The following CDH16 variants were observed in gnomAD, a reference collection of about 807,000 sequenced individuals.
CDH16 encodes the protein cadherin 16.
A neutral mutation model predicts 87.6 loss-of-function variants in CDH16; 79 were observed. The ratio of observed to expected loss-of-function variants is 0.90; its 90% CI spans 0.75 to 1.09. The LOEUF is 1.09. CDH16 is among the 50% of genes least tolerant of loss of function. The pLI, the probability that CDH16 is intolerant of heterozygous loss-of-function variation, is 0.00. For missense variants in CDH16, 1,124 were observed against 1,071.7 expected (o/e 1.05, Z -0.68); for synonymous variants, 457 against 439.5 (o/e 1.04, Z -0.50).
chr16:66,911,196 T>C lies in CDH16; in HGVS notation c.1910A>G (p.Glu637Gly). The C allele has an allele frequency of 1.2e-6, 2 of 1,612,420 alleles. No individual in the cohort carries two copies. The highest frequency in any genetic ancestry group is 2.2e-5 in the South Asian group (2 of 90,840). Residue 637 changes from glutamate (E) to glycine (G), a missense_variant, in exon 14 of 18, where the codon GAG (glutamate) becomes GGG (glycine). Glu to Gly is a moderately conservative substitution (Grantham distance 98, BLOSUM62 -2). Coordinates refer to ENST00000299752, the MANE Select transcript of CDH16 (RefSeq NM_004062.4). The part of the protein sequence containing the change: ...QPGDTYTVLV[E>G]AQDTDEPRLS... ...CCTGGCCATACCTGTATCCTGGGCC[T>C]CCACAAGCACCGTGTAGGTGTCCCC...
chr16:66,913,191 T>A lies in CDH16; in HGVS notation c.994A>T (p.Asn332Tyr). The A allele has an allele frequency of 6.2e-7, 1 of 1,605,878 alleles. No individual in the cohort carries two copies. Among genetic ancestry groups the A allele is most frequent in the Non-Finnish European group, 8.5e-7 (1 of 1,176,124 alleles). ...TCACGGGGAGGGCAGATAGGCACGTTGTCATTCTCATCCATCACCAGCACG... is the reference window on the plus strand; with the variant it reads ...TCACGGGGAGGGCAGATAGGCACGTAGTCATTCTCATCCATCACCAGCACG... ...LHVLVMDEND[N>Y]VPICPPRDPT... The change falls in exon 9 of 18, where the codon AAC (asparagine) becomes TAC (tyrosine). Residue 332 changes from asparagine (N) to tyrosine (Y), a missense_variant. By Grantham distance (143) the Asn-to-Tyr change is moderately radical. Coordinates refer to ENST00000299752, the MANE Select transcript of CDH16 (RefSeq NM_004062.4).
chr16:66,912,657 C>A lies in CDH16; in HGVS notation c.1282+7G>T. The A allele has an allele frequency of 6.2e-7, 1 of 1,614,016 alleles. No homozygotes were observed. On this transcript the variant is annotated splice_region_variant and intron_variant, in intron 10 of 17. Transcript: ENST00000299752. The stretch of plus-strand genomic sequence containing the variant: ...AGGGGGCCTGGGTCACCAATCAGGG[C>A]ACTTACCACCCTCTGCGCCTGCCAG...
chr16:66,909,461 T>C lies in CDH16; in HGVS notation c.2276-78A>G. Reference sequence around the variant, plus strand: ...GCTCAGAGCCCCCAGCCCAGCCACCTGGCTGATATGTGTGTGTTTCTGCAC... The same window carrying C: ...GCTCAGAGCCCCCAGCCCAGCCACCCGGCTGATATGTGTGTGTTTCTGCAC... On this transcript the variant is annotated intron_variant, in intron 16 of 17. Transcript: ENST00000299752. The surrounding 1 kb of genome is among the most constrained non-coding windows in gnomAD (Gnocchi z 4.1). The C allele has an allele frequency of 1.1e-6, 1 of 935,294 alleles. No homozygotes were observed. The highest frequency in any genetic ancestry group is 1.7e-6 in the Non-Finnish European group (1 of 596,254). 57.9% of individuals were successfully genotyped at this position (935,294 alleles called of 1,614,324 possible). A position where few individuals can be genotyped will look rare whatever the true frequency, so the allele number is the denominator to read the frequency against.
Position 66,911,320 on chromosome 16 carries a change from C to A in CDH16, c.1791-5G>T. 6.2e-7 allele frequency: 1 copy of A among 1,612,782 alleles called. No individual in the cohort carries two copies. The highest frequency in any genetic ancestry group is 1.1e-5 in the South Asian group (1 of 90,856). On this transcript the variant is annotated splice_region_variant and splice_polypyrimidine_tract_variant and intron_variant, in intron 13 of 17. Coordinates refer to ENST00000299752, the MANE Select transcript of CDH16 (RefSeq NM_004062.4). The stretch of plus-strand genomic sequence containing the variant: ...GAGTCATTGACTAGGGAGAACCTGC[C>A]GCCCAAAGAAGGAGGTGAGGAGGTA...
In CDH16 at chr16:66,918,037, C is replaced by G; in HGVS notation, c.29G>C (p.Cys10Ser). Residue 10 changes from cysteine to serine, a missense_variant, in exon 2 of 18, where the codon TGT becomes TCT. Transcript: ENST00000299752. ...CTAGCTCACCTGGGGGACGGAGACA[C>G]AAAGCAGCCACAGCCAGGCAGGGAC... is the stretch of plus-strand genomic sequence containing the variant. MVPAWLWLL[C>S]VSVPQALPKA... 1 of 1,584,384 alleles carries G rather than the reference C, an allele frequency of 6.3e-7. No homozygotes were observed. The highest frequency in any genetic ancestry group is 1.2e-5 in the South Asian group (1 of 86,308).
At position 66,912,666 on chromosome 16, in the gene CDH16, C is replaced by T. The variant is rs1156254569; in HGVS notation, c.1280G>A (p.Gly427Asp). The change falls in exon 10 of 18, where the codon GGT (glycine) becomes GAT (aspartate). Residue 427 changes from glycine to aspartate, a missense_variant and splice_region_variant. Gly to Asp is a moderately conservative substitution (Grantham distance 94). Transcript: ENST00000299752. Reference sequence around the variant, plus strand: ...GGGTCACCAATCAGGGCACTTACCACCCTCTGCGCCTGCCAGGTCCATGGC... The same window carrying T: ...GGGTCACCAATCAGGGCACTTACCATCCTCTGCGCCTGCCAGGTCCATGGC... ...VLAMDLAGAEGGFSSTCEVEV... is the reference protein window; with the variant it reads ...VLAMDLAGAEDGFSSTCEVEV... 1.2e-6 allele frequency: 2 copies of T among 1,613,894 alleles called. No homozygotes were observed. Among genetic ancestry groups the T allele is most frequent in the Non-Finnish European group, 1.7e-6 (2 of 1,179,996 alleles).
At position 66,913,240 on chromosome 16, in the gene CDH16, G is replaced by A; in HGVS notation, c.945C>T (p.Asp315=). 1 of 1,571,874 alleles carries A rather than the reference G, an allele frequency of 6.4e-7. No homozygotes were observed. Among genetic ancestry groups the A allele is most frequent in the Non-Finnish European group, 8.6e-7 (1 of 1,158,534 alleles). Residue 315 remains aspartate, a synonymous_variant, in exon 9 of 18, where the codon GAC becomes GAT. Transcript: ENST00000299752. ...CGTGCAGCTCCAGAGGGGCCGCATA[G>A]TCCTCGCCATGGGAATTCTGAGCCC... ...QVRAQNSHGE[D]YAAPLELHVL... is the part of the protein sequence containing the mutation.
chr16:66,910,348 G>A lies in CDH16; in HGVS notation c.2079C>T (p.Pro693=), dbSNP rs781445567. Residue 693 remains proline (P), a synonymous_variant, in exon 15 of 18, where the codon CCC becomes CCT. Coordinates refer to ENST00000299752, the MANE Select transcript of CDH16 (RefSeq NM_004062.4). The part of the protein sequence containing the change: ...GLIVSGPSKD[P]DLASGHGPYS... Reference sequence around the variant, plus strand: ...AGGGACCGTGCCCACTGGCCAGATCGGGGTCCTTGCTGGGTCCACTCACGA... The same window carrying A: ...AGGGACCGTGCCCACTGGCCAGATCAGGGTCCTTGCTGGGTCCACTCACGA... 38 of 1,613,866 alleles carry A rather than the reference G, an allele frequency of 2.4e-5. No homozygotes were observed. In the East Asian group the frequency reaches 4.0e-4, roughly 17 times the overall value.
Position 66,910,454 on chromosome 16 carries a change from T to G in CDH16, c.1973A>C (p.Lys658Thr). 6.4e-7 allele frequency: 1 copy of G among 1,571,188 alleles called. No individual in the cohort carries two copies. Among genetic ancestry groups the G allele is most frequent in the East Asian group, 2.3e-5 (1 of 44,106 alleles). Residue 658 changes from lysine (K) to threonine (T), a missense_variant, in exon 15 of 18, where the codon AAG becomes ACG. By Grantham distance (78) the Lys-to-Thr change is moderately conservative (BLOSUM62 -1). Transcript: ENST00000299752. Reference sequence around the variant, plus strand: ...AGTCAGGGCTGGGGCAGGAGGGGCCTTTAGGAAGTGGATCACCAGGGGTGC... The same window carrying G: ...AGTCAGGGCTGGGGCAGGAGGGGCCGTTAGGAAGTGGATCACCAGGGGTGC... ...ASAPLVIHFL[K>T]APPAPALTLA...
At position 66,913,277 on chromosome 16, in the gene CDH16, A is replaced by G; in HGVS notation, c.908T>C (p.Leu303Pro). 6.4e-7 allele frequency: 1 copy of G among 1,554,624 alleles called. No individual in the cohort carries two copies. Residue 303 changes from leucine to proline, a missense_variant, in exon 9 of 18, where the codon CTG becomes CCG. Physicochemically the swap from Leu to Pro is moderately conservative, Grantham distance 98. Transcript: ENST00000299752. Reference protein sequence around the residue: ...ELDREAQAEYLLQVRAQNSHG... With the variant: ...ELDREAQAEYPLQVRAQNSHG... ...GGAATTCTGAGCCCGCACCTGGAGC[A>G]GGTACTGCGGTGGGCAGTAGGGGGC...
chr16:66,916,461 G>T lies in CDH16; in HGVS notation c.130-32C>A, dbSNP rs767337963. On this transcript the variant is annotated intron_variant, in intron 3 of 17. Transcript: ENST00000299752. This position sits in a 1 kb window ranked among gnomAD's most constrained non-coding sequence, Gnocchi z 4.1. The stretch of plus-strand genomic sequence containing the variant: ...GAAATGAACAGAAGTGAAGGGAGCG[G>T]TGGCCAGGCCTGGGAGATGCCCCTC... 3 of 1,551,878 alleles carry T rather than the reference G, an allele frequency of 1.9e-6. No individual in the cohort carries two copies. The highest frequency in any genetic ancestry group is 2.6e-6 in the Non-Finnish European group (3 of 1,146,892).
intron 13 of CDH16, 25 bp from the exon 14 acceptor site, chr16:66,911,340 G>T: frequency 6.2e-7 from 1 of 1,610,530 alleles, no homozygotes; most frequent in East Asian, 2.2e-5. Flanking sequence ...AGGAGGTGAG[G>T]AGGTACTGGG....
At position 66,915,973 on chromosome 16, in the gene CDH16, C is replaced by T; in HGVS notation, c.424+92G>A. 4.2e-6 allele frequency: 6 copies of T among 1,428,082 alleles called. No individual in the cohort carries two copies. The South Asian group carries it at 7.1e-5, about 17-fold the overall frequency. The allele number at this position is 1,428,082 out of a possible 1,614,324, so 88.5% of individuals were successfully genotyped here. Reference sequence around the variant, plus strand: ...AATGGGACAGAAATGGCTGCCCTGTCCTATGCCAACTGTCTGGCCATCTCT... The same window carrying T: ...AATGGGACAGAAATGGCTGCCCTGTTCTATGCCAACTGTCTGGCCATCTCT... On this transcript the variant is annotated intron_variant, in intron 5 of 17. Coordinates refer to ENST00000299752, the MANE Select transcript of CDH16 (RefSeq NM_004062.4).
At chr16:66,908,938 C>A (rs1962281209) in intron 17 of CDH16, among the ~76,000 whole-genome samples, 1 of 152,124 alleles carries the variant, frequency 6.6e-6, no homozygotes, top group Non-Finnish European at 1.5e-5. Flanking sequence ...GACTGTGTAA[C>A]CTTGGACCAG....
chr16:66,912,054 A>AGGGCCT lies in CDH16; in HGVS notation c.1629_1634dup (p.Pro545_Gly546dup). 6.2e-7 allele frequency: 1 copy of AGGGCCT among 1,614,104 alleles called. No homozygotes were observed. Among genetic ancestry groups the AGGGCCT allele is most frequent in the Non-Finnish European group, 8.5e-7 (1 of 1,180,012 alleles). ...GCACAGTCACCGTGGCGGTGGCTCCAGGGCCTGGGCCTGGCCCCACCAGCT... is the reference window on the plus strand; with the variant it reads ...GCACAGTCACCGTGGCGGTGGCTCCAGGGCCTGGGCCTGGGCCTGGCCCCACCAGCT... On this transcript the variant is annotated inframe_insertion, in exon 13 of 18. Coordinates refer to ENST00000299752, the MANE Select transcript of CDH16 (RefSeq NM_004062.4).
rs1387592508 is a variant in CDH16 at position 66,915,243 on chromosome 16, C to T, written c.560G>A (p.Gly187Glu). ...PDMFQLEPRLGALALSPKGST... is the reference protein window; with the variant it reads ...PDMFQLEPRLEALALSPKGST... ...ACCCTTGGGGCTGAGGGCCAGAGCC[C>T]CCAGCCGAGGCTCCAGCTGGAACAT... is the stretch of plus-strand genomic sequence containing the variant. The change falls in exon 6 of 18, where the codon GGG (glycine) becomes GAG (glutamate). Residue 187 changes from glycine (G) to glutamate (E), a missense_variant. Transcript: ENST00000299752. The T allele has an allele frequency of 3.1e-6, 5 of 1,612,594 alleles. No individual in the cohort carries two copies. In the Admixed American group the frequency reaches 6.7e-5, roughly 22 times the overall value.
Position 66,909,947 on chromosome 16 carries a change from C to A in CDH16, c.2275+39G>T. ...TCCCTCCCCTTGCATCCCAGCGGTT[C>A]CCTCAGGAACTGCAGGCTGCACCCA... On this transcript the variant is annotated intron_variant, in intron 16 of 17. Transcript: ENST00000299752. This position sits in a 1 kb window ranked among gnomAD's most constrained non-coding sequence, Gnocchi z 4.1. The A allele has an allele frequency of 2.1e-6, 3 of 1,459,748 alleles. No individual in the cohort carries two copies. The highest frequency in any genetic ancestry group is 1.2e-5 in the South Asian group (1 of 80,046). 90.4% of individuals were successfully genotyped at this position (1,459,748 alleles called of 1,614,324 possible).
At position 66,910,270 on chromosome 16, in the gene CDH16, C is replaced by G. The variant is rs754425315; in HGVS notation, c.2157G>C (p.Gln719His). 11 of 1,600,932 alleles carry G rather than the reference C, an allele frequency of 6.9e-6. No individual in the cohort carries two copies. The African/African-American group carries it at 1.3e-4, about 19-fold the overall frequency. The part of the protein sequence containing the change: ...NPTVQRDWRL[Q>H]TLNGSHAYLT... Reference sequence around the variant, plus strand: ...TTCCCCACCACACACCATTGAGAGTCTGGAGGCGCCAATCCCGTTGCACCG... The same window carrying G: ...TTCCCCACCACACACCATTGAGAGTGTGGAGGCGCCAATCCCGTTGCACCG... Residue 719 changes from glutamine to histidine, a missense_variant, in exon 15 of 18, where the codon CAG becomes CAC. Coordinates refer to ENST00000299752, the MANE Select transcript of CDH16 (RefSeq NM_004062.4).
rs1443699908 is a variant in CDH16 at position 66,915,360 on chromosome 16, A to G, written c.443T>C (p.Leu148Pro). Residue 148 changes from leucine (L) to proline (P), a missense_variant, in exon 6 of 18, where the codon CTT (leucine) becomes CCT (proline). By Grantham distance (98) the Leu-to-Pro change is moderately conservative. Coordinates refer to ENST00000299752, the MANE Select transcript of CDH16 (RefSeq NM_004062.4). ...GTRPGIPFLF[L>P]EASDRDEPGT... ...TGGCTCATCCCGGTCTGAAGCCTCAAGGAAGAGGAAGGGGATGCCTGGTTC... is the reference window on the plus strand; with the variant it reads ...TGGCTCATCCCGGTCTGAAGCCTCAGGGAAGAGGAAGGGGATGCCTGGTTC... 5.0e-6 allele frequency: 8 copies of G among 1,613,814 alleles called. No individual in the cohort carries two copies. The highest frequency in any genetic ancestry group is 6.8e-6 in the Non-Finnish European group (8 of 1,179,922).
Sources: gnomAD v4.1 joint callset for allele counts (sites outside exome capture counted in the v4.1 genomes callset) on GRCh38, gnomAD v4.1.1 for gene constraint, Gnocchi (gnomAD v3.1) non-coding constraint, MANE v1.5 for transcripts, NCBI Gene and HGNC (gene_info 2026-07-23, HGNC 2026-07-21) for gene names.